The following STK38L variants were observed in gnomAD, a reference collection of about 807,000 sequenced individuals.
The protein encoded by STK38L is serine/threonine-protein kinase 38-like.
STK38L carries 28 observed loss-of-function variants against 59.7 expected under a neutral mutation model. The ratio of observed to expected loss-of-function variants is 0.47; its 90% CI spans 0.35 to 0.64. STK38L has a LOEUF of 0.64. Among genes scored for constraint, STK38L ranks in the 30% least tolerant of loss-of-function variants. The pLI, the probability that STK38L is intolerant of heterozygous loss-of-function variation, is 0.01. For missense variants in STK38L, 314 were observed against 555.8 expected, an observed-to-expected ratio of 0.56 and a Z score of 4.37; for synonymous variants, 162 against 176.8, an observed-to-expected ratio of 0.92 and a Z score of 0.66.
At chr12:27,291,003 G>A (rs1312214095) in intron 1 of STK38L, among the ~76,000 whole-genome samples, 1 of 152,072 alleles carries the variant, frequency 6.6e-6, no homozygotes, top group Non-Finnish European at 1.5e-5. Context: ...CAGCCTTTTG[G>A]CCATCCTCCC....
At chr12:27,284,154 A>G (rs187774532) in intron 1 of STK38L, among the ~76,000 whole-genome samples, 1 of 152,234 alleles carries the variant, frequency 6.6e-6, no homozygotes, top group Non-Finnish European at 1.5e-5. Flanking sequence ...AGATATGGAC[A>G]TGAGTGCTAG....
intron 1 of STK38L, among the ~76,000 whole-genome samples, chr12:27,285,617 G>C (rs566704532): frequency 8.5e-5 from 13 of 152,262 alleles, no homozygotes; most frequent in Non-Finnish European, 1.5e-4. Flanking sequence ...GGGTGTCCCT[G>C]CCTCTCACCA....
At position 27,288,592 on chromosome 12, in the gene STK38L, A is replaced by G. The variant is rs187939944; in HGVS notation, c.-11-9118A>G. ...CACTGTAATATCTGTCTTTCCCCCAACCATGCTCTCATGCTCTCCAAAAGT... is the reference window on the plus strand; with the variant it reads ...CACTGTAATATCTGTCTTTCCCCCAGCCATGCTCTCATGCTCTCCAAAAGT... On this transcript the variant is annotated intron_variant, in intron 1 of 13. Coordinates refer to ENST00000389032, the MANE Select transcript of STK38L (RefSeq NM_015000.4). Among the ~76,000 whole-genome samples the G allele has an allele frequency of 3.8e-4, 58 of 152,088 alleles. 1 individual carries two copies. In the East Asian group the frequency reaches 9.4e-3, roughly 25 times the overall value.
chr12:27,311,933 G>T (rs1414238878), intron 5 of STK38L, among the ~76,000 whole-genome samples: 1 of 151,816 alleles, frequency 6.6e-6, no homozygotes, highest in Non-Finnish European at 1.5e-5. Flanking sequence ...AAGCTGGAGT[G>T]CAGTGACGCA....
At chr12:27,298,003 ATG>A in intron 2 of STK38L, 149 bp downstream of exon 2, 7 of 945,798 alleles carry the variant, frequency 7.4e-6, no homozygotes, top group Non-Finnish European at 1.1e-5. Context: ...GCACATAGAC[ATG>A]TGTTTTATTT....
At chr12:27,287,596 TC>T (rs1424218965) in intron 1 of STK38L, among the ~76,000 whole-genome samples, 2 of 152,232 alleles carry the variant, frequency 1.3e-5, no homozygotes, top group Non-Finnish European at 2.9e-5. Context: ...CCAGTAGTTA[TC>T]CATCTATATT....
At chr12:27,312,446 A>C (rs1446297252) in intron 5 of STK38L, 103 bp from the exon 6 acceptor site, 1 of 1,273,868 alleles carries the variant, frequency 7.9e-7, no homozygotes, top group Non-Finnish European at 1.1e-6. Context: ...CTGAAACTCC[A>C]TCTTTCCTTC....
chr12:27,252,674 T>A (rs564614786), intron 1 of STK38L, among the ~76,000 whole-genome samples: 1 of 152,234 alleles, frequency 6.6e-6, no homozygotes, highest in South Asian at 2.1e-4. Flanking sequence ...GTTCTCCATA[T>A]GTCGACTCTT....
At position 27,318,016 on chromosome 12, in the gene STK38L, T is replaced by G. The variant is rs1273933914; in HGVS notation, c.1076T>G (p.Leu359Arg). 1 of 1,613,840 alleles carries G rather than the reference T, an allele frequency of 6.2e-7. No individual in the cohort carries two copies. Among genetic ancestry groups the G allele is most frequent in the Admixed American group, 1.7e-5 (1 of 59,964 alleles). ...TCTGAGAAAGCCAAGGACTTAATTC[T>G]CAGGTTAGTGGTTAAATTCCTAGAG... The part of the protein sequence containing the change: ...PISEKAKDLI[L>R]RFCIDSENRI... Residue 359 changes from leucine to arginine, a missense_variant, in exon 11 of 14, where the codon CTC becomes CGC. Leu to Arg is a moderately radical substitution (Grantham distance 102). This residue lies in a region of STK38L where 94 missense variants were observed against 142.2 expected (regional missense o/e 0.66). Coordinates refer to ENST00000389032, the MANE Select transcript of STK38L (RefSeq NM_015000.4).
chr12:27,279,410 A>AT (rs369960337), intron 1 of STK38L, among the ~76,000 whole-genome samples: 1 of 151,878 alleles, frequency 6.6e-6, no homozygotes, highest in African/African-American at 2.4e-5. Context: ...CTTAGTACAC[A>AT]TTTTTTCCCT....
At chr12:27,280,815 A>G (rs2136625776) in intron 1 of STK38L, among the ~76,000 whole-genome samples, 1 of 152,382 alleles carries the variant, frequency 6.6e-6, no homozygotes, top group South Asian at 2.1e-4. Context: ...GATTTCCAAC[A>G]GCTTATAAAA....
In STK38L at chr12:27,323,081, A is replaced by C. The variant is rs546290511; in HGVS notation, c.*626A>C. ...ACAAACTTCACAGTAAGGAGTGACA[A>C]GTTTATAATAAGGAAGACAAAGTTT... On this transcript the variant is annotated 3_prime_UTR_variant, in exon 14 of 14. Transcript: ENST00000389032. The C allele has an allele frequency of 6.6e-6, 1 of 152,340 alleles. No individual in the cohort carries two copies. Among genetic ancestry groups the C allele is most frequent in the Admixed American group, 6.5e-5 (1 of 15,302 alleles). The allele number at this position is 152,340 out of a possible 1,614,324, so 9.4% of individuals were successfully genotyped here. A position where few individuals can be genotyped will look rare whatever the true frequency, so the allele number is the denominator to read the frequency against.
chr12:27,319,473 T>G, intron 12 of STK38L, 50 bp downstream of exon 12: 4 of 1,313,134 alleles, frequency 3.0e-6, no homozygotes, highest in Non-Finnish European at 4.3e-6. Context: ...AACAAATTTC[T>G]AGAGTTGGCA....
At chr12:27,312,112 C>G (rs1944469420) in intron 5 of STK38L, among the ~76,000 whole-genome samples, 1 of 151,706 alleles carries the variant, frequency 6.6e-6, no homozygotes, top group Admixed American at 6.6e-5. Flanking sequence ...ATCTCCTGAC[C>G]TCGTGATCCA....
intron 5 of STK38L, among the ~76,000 whole-genome samples, chr12:27,311,646 C>T (rs573763409): frequency 2.0e-5 from 3 of 152,022 alleles, no homozygotes; most frequent in South Asian, 4.2e-4. Flanking sequence ...ATTATGTGTC[C>T]GAGAAATCAG....
intron 1 of STK38L, among the ~76,000 whole-genome samples, chr12:27,266,246 A>T (rs1346723173): frequency 6.6e-6 from 1 of 152,188 alleles, no homozygotes; most frequent in African/African-American, 2.4e-5. Context: ...ATCTTTTCCT[A>T]TAGTAATAAA....
At chr12:27,313,203 G>C (rs1285189522) in intron 6 of STK38L, among the ~76,000 whole-genome samples, 1 of 147,618 alleles carries the variant, frequency 6.8e-6, no homozygotes, top group East Asian at 2.0e-4. Context: ...AGCCGAGATA[G>C]CGCCACTGCA....
chr12:27,278,222 A>G (rs2136623781), intron 1 of STK38L, among the ~76,000 whole-genome samples: 1 of 152,288 alleles, frequency 6.6e-6, no homozygotes, highest in Middle Eastern at 3.4e-3. Flanking sequence ...AACTTGACAT[A>G]ATCACTATTT....
intron 1 of STK38L, among the ~76,000 whole-genome samples, 157 bp from the exon 2 acceptor site, chr12:27,297,553 T>G (rs1486202519): frequency 6.6e-6 from 1 of 152,232 alleles, no homozygotes; most frequent in Non-Finnish European, 1.5e-5. Flanking sequence ...CTTTTCTTTC[T>G]TCCCTAGCTT....
Sources: allele counts gnomAD v4.1 joint callset (sites outside exome capture counted in the v4.1 genomes callset), GRCh38; gene constraint gnomAD v4.1.1; regional missense constraint gnomAD v4.1.1; transcripts MANE v1.5; gene names NCBI Gene and HGNC (gene_info 2026-07-23, HGNC 2026-07-21).